Variants in ZNF469 observed in about 807,000 individuals in gnomAD.
ZNF469 encodes zinc finger protein 469.
Under a neutral mutation model 1.0 loss-of-function variants are expected in ZNF469, and 1 was observed. That is an observed-to-expected ratio of 1.00 (90% CI 0.35 to 4.73). The LOEUF is 4.73. Ranked by LOEUF, ZNF469 falls within the 30% of genes most tolerant of loss-of-function variation. The pLI, the probability that ZNF469 is intolerant of heterozygous loss-of-function variation, is 0.16. For synonymous variants in ZNF469, 2,703 were observed against 2,363.4 expected (o/e 1.14, Z -4.17); for missense variants, 6,100 against 5,356.3 (o/e 1.14, Z -4.33).
At chr16:88,243,350 G>T in the ZNF469 span, among the ~76,000 whole-genome samples, 1 of 152,302 alleles carries the variant, frequency 6.6e-6, no homozygotes, top group East Asian at 1.9e-4. Context: ...GTAGGATCCA[G>T]TCCCTGTCTA....
At chr16:88,275,145 T>C in the ZNF469 span, among the ~76,000 whole-genome samples, 7 of 152,212 alleles carry the variant, frequency 4.6e-5, no homozygotes, top group South Asian at 1.2e-3. Flanking sequence ...AATTAGACAG[T>C]GGAGACGGGA....
At chr16:88,277,167 G>A in the ZNF469 span, among the ~76,000 whole-genome samples, 1 of 151,358 alleles carries the variant, frequency 6.6e-6, no homozygotes, top group Non-Finnish European at 1.5e-5. Flanking sequence ...GGTTAGTGCT[G>A]CACCACACCG....
the ZNF469 span, among the ~76,000 whole-genome samples, chr16:88,155,560 C>G: frequency 6.6e-6 from 1 of 152,234 alleles, no homozygotes; most frequent in African/African-American, 2.4e-5. Context: ...CGGGATCACA[C>G]AAGACGTGGC....
At chr16:88,115,984 C>T in the ZNF469 span, among the ~76,000 whole-genome samples, 1 of 152,202 alleles carries the variant, frequency 6.6e-6, no homozygotes, top group Admixed American at 6.5e-5. Context: ...GGTGGCCTCC[C>T]CATCTCAGGT....
chr16:88,391,585 G>A (rs1429765385), intron 1 of ZNF469, among the ~76,000 whole-genome samples: 1 of 152,256 alleles, frequency 6.6e-6, no homozygotes, highest in African/African-American at 2.4e-5. Context: ...CCAATGCCTC[G>A]GGATCGGGAG....
rs546368101 is a variant in ZNF469, at chr16:88,414,922, C to T, written c.-191-9885C>T. Reference sequence around the variant, plus strand: ...CGGCCAGGCCTCCAGTTTCCAGCTGCCCAGAGACCAGCTGAGGCCACACAG... The same window carrying T: ...CGGCCAGGCCTCCAGTTTCCAGCTGTCCAGAGACCAGCTGAGGCCACACAG... On this transcript the variant is annotated intron_variant, in intron 1 of 2. Transcript: ENST00000565624. Among the ~76,000 whole-genome samples, 15 of 152,330 alleles carry T rather than the reference C, an allele frequency of 9.8e-5. No homozygotes were observed. The South Asian group carries it at 3.1e-3, about 32-fold the overall frequency.
chr16:88,256,992 A>G, the ZNF469 span, among the ~76,000 whole-genome samples: 2 of 136,300 alleles, frequency 1.5e-5, no homozygotes, highest in African/African-American at 5.6e-5. Flanking sequence ...CTTGTTGCCC[A>G]TGCTGGACTG....
At chr16:88,153,419 A>T in the ZNF469 span, among the ~76,000 whole-genome samples, 1 of 152,168 alleles carries the variant, frequency 6.6e-6, no homozygotes, top group Non-Finnish European at 1.5e-5. Flanking sequence ...CGGTGATGCT[A>T]CCTGGTGTTT....
chr16:88,123,591 C>T, the ZNF469 span, among the ~76,000 whole-genome samples: 9 of 152,136 alleles, frequency 5.9e-5, no homozygotes, highest in Admixed American at 3.9e-4. Flanking sequence ...AGGATAATTG[C>T]GGGGCCACGT....
At chr16:88,244,258 T>C in the ZNF469 span, among the ~76,000 whole-genome samples, 4 of 150,812 alleles carry the variant, frequency 2.7e-5, no homozygotes, top group Admixed American at 2.6e-4. Context: ...GGTGAATGCA[T>C]ACATGGATGG....
At chr16:88,138,480 C>A in the ZNF469 span, among the ~76,000 whole-genome samples, 1 of 152,248 alleles carries the variant, frequency 6.6e-6, no homozygotes, top group Non-Finnish European at 1.5e-5. Flanking sequence ...TTTTCATCTT[C>A]ATTCTACATA....
chr16:88,150,657 C>A, the ZNF469 span, among the ~76,000 whole-genome samples: 1 of 150,360 alleles, frequency 6.7e-6, no homozygotes, highest in Non-Finnish European at 1.5e-5. Context: ...GAAAATCCTG[C>A]CGGCCTGGGA....
intron 1 of ZNF469, among the ~76,000 whole-genome samples, chr16:88,411,139 G>A (rs937420442): frequency 2.0e-5 from 3 of 152,222 alleles, no homozygotes; most frequent in Non-Finnish European, 4.4e-5. Context: ...ATTCGTAGGT[G>A]CTGGGGTTAG....
the ZNF469 span, among the ~76,000 whole-genome samples, chr16:88,104,521 A>G: frequency 1.3e-5 from 2 of 151,842 alleles, no homozygotes; most frequent in Non-Finnish European, 2.9e-5. Flanking sequence ...CGCCAGCCAC[A>G]CTCTGCTTCA....
chr16:88,435,618 AGGGG>A lies in ZNF469; in HGVS notation c.8149_8152del (p.Gly2717ArgfsTer152). 1 of 1,550,322 alleles carries A rather than the reference AGGGG, an allele frequency of 6.5e-7. No homozygotes were observed. On this transcript the variant is annotated frameshift_variant, in exon 3 of 3. Coordinates refer to ENST00000565624, the MANE Select transcript of ZNF469 (RefSeq NM_001367624.2). LOFTEE classifies it low-confidence loss of function (END_TRUNC). ...AGACTGACCAGGAGGCTCTGTGTGCAGGGGAGACTGGGGCCCAGAAGCCACCTGG... is the reference window on the plus strand; with the variant it reads ...AGACTGACCAGGAGGCTCTGTGTGCAAGACTGGGGCCCAGAAGCCACCTGG...
chr16:88,314,808 GTGATTAT>G, the ZNF469 span, among the ~76,000 whole-genome samples: 1 of 146,710 alleles, frequency 6.8e-6, no homozygotes, highest in South Asian at 2.4e-4. Context: ...GAATATCTCT[GTGATTAT>G]GATGATGCTG....
chr16:88,190,056 C>T, the ZNF469 span, among the ~76,000 whole-genome samples: 15 of 115,930 alleles, frequency 1.3e-4, no homozygotes, highest in Admixed American at 1.8e-3. Flanking sequence ...TCTCTTGTTG[C>T]CTTGTCTTGA....
At chr16:88,306,808 G>A in the ZNF469 span, among the ~76,000 whole-genome samples, 58 of 152,354 alleles carry the variant, frequency 3.8e-4, no homozygotes, top group African/African-American at 1.3e-3. Flanking sequence ...ATGGTAAGGA[G>A]TGGGGGAAAA....
Position 88,429,846 on chromosome 16 carries a change from C to T in ZNF469, c.2376C>T (p.Ser792=). 2 of 1,549,340 alleles carry T rather than the reference C, an allele frequency of 1.3e-6. No individual in the cohort carries two copies. Among genetic ancestry groups the T allele is most frequent in the Non-Finnish European group, 1.7e-6 (2 of 1,146,430 alleles). Residue 792 remains serine, a synonymous_variant, in exon 3 of 3, where the codon AGC becomes AGT. Transcript: ENST00000565624. ...VPADAHAGLL[S]HAKTFLLAGD... ...CCGACGCACACGCGGGCTTGCTCAGCCACGCGAAGACCTTCCTGTTAGCTG... is the reference window on the plus strand; with the variant it reads ...CCGACGCACACGCGGGCTTGCTCAGTCACGCGAAGACCTTCCTGTTAGCTG...
Sources: allele counts gnomAD v4.1 joint callset (sites outside exome capture counted in the v4.1 genomes callset), GRCh38; gene constraint gnomAD v4.1.1; transcripts MANE v1.5; gene names NCBI Gene and HGNC (gene_info 2026-07-23, HGNC 2026-07-21).